Variants in GPM6B observed in about 807,000 individuals in gnomAD.
GPM6B encodes the protein glycoprotein M6B, also known as neuronal membrane glycoprotein M6-b.
Under a neutral mutation model 27.2 loss-of-function variants are expected in GPM6B, and 4 were observed. The observed-to-expected ratio is 0.15, with a 90% confidence interval of 0.07 to 0.34. The LOEUF is 0.34. Ranked by LOEUF, GPM6B falls within the 10% of genes least tolerant of loss-of-function variation. GPM6B has a pLI of 1.00. For missense variants in GPM6B, 183 were observed against 261.9 expected (o/e 0.70, Z 2.08); for synonymous variants, 124 against 103.1 (o/e 1.20, Z -1.23).
chrX:13,938,630 G>GGCTGC (rs1034420516), upstream of GPM6B: 113 of 337,599 alleles, frequency 3.3e-4, no homozygotes, highest in Middle Eastern at 7.0e-4. Flanking sequence ...GGCTTCTGCG[G>GGCTGC]GCTGCGCTGC....
At chrX:13,781,366 C>T (rs769335092) in intron 4 of GPM6B, among the ~76,000 whole-genome samples, 7 of 112,199 alleles carry the variant, frequency 6.2e-5, no homozygotes, top group South Asian at 3.7e-4. Context: ...CTGGGAACTG[C>T]GACAGGCAAA....
At position 13,839,211 on chromosome X, in the gene GPM6B, C is replaced by T. The variant is rs7051111; in HGVS notation, c.-197-53403G>A. On this transcript the variant is annotated intron_variant, in intron 1 of 6. Transcript: ENST00000398361. ...TTTTGCTGATTTCAACCCTTCAAGG[C>T]AGAGCTTAACCGTTTCAACCAACTG... Among the ~76,000 whole-genome samples, 754 of 111,697 alleles carry T rather than the reference C, an allele frequency of 6.8e-3. 13 individuals carry two copies. Among genetic ancestry groups the T allele is most frequent in the African/African-American group, 0.023 (703 of 30,700 alleles).
At chrX:13,826,024 A>G (rs2049367969) in intron 1 of GPM6B, among the ~76,000 whole-genome samples, 1 of 111,772 alleles carries the variant, frequency 8.9e-6, no homozygotes, top group Admixed American at 9.5e-5. Flanking sequence ...ATCTTAGAAG[A>G]GGTGGTAGGG....
intron 3 of GPM6B, 91 bp downstream of exon 3, chrX:13,785,531 G>C: frequency 1.2e-6 from 1 of 864,443 alleles, no homozygotes; most frequent in Non-Finnish European, 1.7e-6. Flanking sequence ...CAGGTGATCT[G>C]CCTGCCTCAG....
intron 5 of GPM6B, 82 bp from the exon 6 acceptor site, chrX:13,777,507 G>T: frequency 1.6e-6 from 1 of 610,266 alleles, no homozygotes; most frequent in Non-Finnish European, 2.8e-6. Flanking sequence ...TCGGATGCCA[G>T]TTACAGTGTA....
At chrX:13,929,201 T>C (rs1335606493) in intron 1 of GPM6B, among the ~76,000 whole-genome samples, 3 of 111,934 alleles carry the variant, frequency 2.7e-5, no homozygotes, top group Non-Finnish European at 5.6e-5. Flanking sequence ...CAAAAGATGA[T>C]GAAAACTATT....
chrX:13,888,619 T>A (rs1435313063), intron 1 of GPM6B, among the ~76,000 whole-genome samples: 1 of 112,266 alleles, frequency 8.9e-6, no homozygotes, highest in Admixed American at 9.5e-5. Flanking sequence ...GAGACAAGAC[T>A]ATTTTATTCT....
At chrX:13,899,720 C>T (rs1382882802) in intron 1 of GPM6B, among the ~76,000 whole-genome samples, 1 of 110,910 alleles carries the variant, frequency 9.0e-6, no homozygotes, top group African/African-American at 3.3e-5. Flanking sequence ...AGTGGTGACT[C>T]GCAGCCCAGT....
intron 1 of GPM6B, among the ~76,000 whole-genome samples, chrX:13,898,229 C>G (rs1409859792): frequency 9.0e-6 from 1 of 111,729 alleles, no homozygotes; most frequent in Non-Finnish European, 1.9e-5. Flanking sequence ...GACTATTTAG[C>G]AGCATCCCTG....
intron 2 of GPM6B, among the ~76,000 whole-genome samples, chrX:13,787,188 A>C (rs922226141): frequency 9.0e-6 from 1 of 111,398 alleles, no homozygotes; most frequent in Non-Finnish European, 1.9e-5. Flanking sequence ...AACCTATGGA[A>C]AGTGACTATG....
chrX:13,775,552 A>G (rs1261412819), intron 7 of GPM6B, among the ~76,000 whole-genome samples: 1 of 112,730 alleles, frequency 8.9e-6, no homozygotes, highest in Non-Finnish European at 1.9e-5. Context: ...GAAGGTTGCA[A>G]ACTGCCTGAC....
Position 13,837,691 on chromosome X carries a change from C to G in GPM6B, c.-197-51883G>C, listed in dbSNP as rs187456638. 4.6e-4 allele frequency among the ~76,000 whole-genome samples: 26 copies of G among 56,245 alleles called. No homozygotes were observed. In the East Asian group the frequency reaches 0.017, roughly 37 times the overall value. 48.8% of individuals were successfully genotyped at this position (56,245 alleles called of 115,157 possible). A position where few individuals can be genotyped will look rare whatever the true frequency, so the allele number is the denominator to read the frequency against. On this transcript the variant is annotated intron_variant, in intron 1 of 6. Coordinates refer to the GPM6B transcript ENST00000398361. ...ACACAATAGAGGCTTTTAAGCTTTG[C>G]TTTTTCAAAGCAAGTTGGTGGGGGG... is the stretch of plus-strand genomic sequence containing the variant.
At chrX:13,922,100 G>A (rs1333978709) in intron 1 of GPM6B, among the ~76,000 whole-genome samples, 1 of 111,452 alleles carries the variant, frequency 9.0e-6, no homozygotes, top group Non-Finnish European at 1.9e-5. Flanking sequence ...ATTTGGTCCA[G>A]CATCTGAGCC....
chrX:13,822,459 A>G lies in GPM6B; in HGVS notation c.-197-36651T>C, dbSNP rs960183635. Among the ~76,000 whole-genome samples the G allele has an allele frequency of 1.1e-3, 124 of 109,932 alleles. 1 individual carries two copies. The highest frequency in any genetic ancestry group is 4.7e-3 in the Middle Eastern group (1 of 214). ...CGGCTCACTGTAACCTCTGCCTCCC[A>G]GGTTCAAGCGATTCTCCTGCTTCAG... On this transcript the variant is annotated intron_variant, in intron 1 of 6. Transcript: ENST00000398361.
At chrX:13,877,126 G>A (rs751102237) in intron 1 of GPM6B, among the ~76,000 whole-genome samples, 9 of 111,545 alleles carry the variant, frequency 8.1e-5, no homozygotes, top group Non-Finnish European at 1.7e-4. Flanking sequence ...TGGGAAACGC[G>A]TAACAGCTAG....
intron 1 of GPM6B, among the ~76,000 whole-genome samples, chrX:13,936,772 G>C (rs1046353284): frequency 8.9e-6 from 1 of 111,930 alleles, no homozygotes; most frequent in Non-Finnish European, 1.9e-5. Context: ...TCTCTGGCTC[G>C]GGCCTTTGCT....
At chrX:13,822,248 C>T (rs2049316064), upstream of GPM6B, among the ~76,000 whole-genome samples, 1 of 111,578 alleles carries the variant, frequency 9.0e-6, no homozygotes, top group Non-Finnish European at 1.9e-5. Context: ...AGCTCTACAC[C>T]TCCCTCAACA....
upstream of GPM6B, among the ~76,000 whole-genome samples, chrX:13,817,548 T>C (rs1487133397): frequency 8.9e-6 from 1 of 112,542 alleles, no homozygotes; most frequent in Non-Finnish European, 1.9e-5. Context: ...CCATTTATGA[T>C]GTATCAGTTT....
chrX:13,777,546 T>C, intron 5 of GPM6B, 121 bp from the exon 6 acceptor site: 1 of 503,999 alleles, frequency 2.0e-6, no homozygotes, highest in Non-Finnish European at 3.5e-6. Flanking sequence ...CATTAAGAAT[T>C]GATGGATCTG....
Sources: allele counts gnomAD v4.1 joint callset (sites outside exome capture counted in the v4.1 genomes callset), GRCh38; gene constraint gnomAD v4.1.1; transcripts MANE v1.5; gene names NCBI Gene and HGNC (gene_info 2026-07-23, HGNC 2026-07-21).